SCPEP1: variants seen among roughly 807,000 people sequenced by gnomAD.
SCPEP1 encodes the protein serine carboxypeptidase 1.
Under a neutral mutation model 63.8 loss-of-function variants are expected in SCPEP1, and 51 were observed. The ratio of observed to expected loss-of-function variants is 0.80; its 90% CI spans 0.64 to 1.01. The LOEUF (loss-of-function observed/expected upper bound fraction) is 1.01, where lower values mean the gene tolerates loss of function less well. SCPEP1 is among the 50% of genes least tolerant of loss of function. SCPEP1 has a pLI of 0.00. For synonymous variants in SCPEP1, 204 were observed against 207.8 expected (o/e 0.98, Z 0.16); for missense variants, 499 against 554.9 (o/e 0.90, Z 1.01).
chr17:57,002,274 T>C, intron 12 of SCPEP1, 93 bp downstream of exon 12: 2 of 1,316,754 alleles, frequency 1.5e-6, no homozygotes, highest in Non-Finnish European at 2.1e-6. Flanking sequence ...CAGGTGGGTC[T>C]TGTAGGAAGT....
chr17:56,995,365 G>A, intron 7 of SCPEP1, 142 bp from the exon 8 acceptor site: 1 of 825,150 alleles, frequency 1.2e-6, no homozygotes, highest in Non-Finnish European at 1.9e-6. Flanking sequence ...CAATAAACAT[G>A]TGGCTTGTAA....
rs558373288 is a variant in SCPEP1 at position 56,980,518 on chromosome 17, A to T, written c.77-564A>T. 7.9e-5 allele frequency among the ~76,000 whole-genome samples: 12 copies of T among 152,312 alleles called. 1 individual carries two copies. The Middle Eastern group carries it at 0.01, about 130-fold the overall frequency. ...ATCTCTCTTGTTTTTACAGAATTAT[A>T]AAAGTATTTCCTGTAATCCCAGCAC... is the stretch of plus-strand genomic sequence containing the variant. On this transcript the variant is annotated intron_variant, in intron 1 of 12. Coordinates refer to ENST00000262288, the MANE Select transcript of SCPEP1 (RefSeq NM_021626.3).
chr17:56,979,813 T>A (rs981858415), intron 1 of SCPEP1, among the ~76,000 whole-genome samples: 1 of 152,200 alleles, frequency 6.6e-6, no homozygotes, highest in African/African-American at 2.4e-5. Context: ...ATATAACAAG[T>A]TTCTGTTCTC....
chr17:56,990,246 AG>A (rs1461499061), intron 5 of SCPEP1, among the ~76,000 whole-genome samples: 3 of 152,242 alleles, frequency 2.0e-5, no homozygotes. Context: ...AACTGCAGTC[AG>A]TTGGTGAGTG....
At chr17:56,990,225 A>T (rs1911351849) in intron 5 of SCPEP1, among the ~76,000 whole-genome samples, 1 of 152,240 alleles carries the variant, frequency 6.6e-6, no homozygotes, top group South Asian at 2.1e-4. Flanking sequence ...AGAAGGATAC[A>T]TGACACACTT....
intron 11 of SCPEP1, 76 bp from the exon 12 acceptor site, chr17:57,001,942 A>G (rs1405784267): frequency 1.3e-6 from 2 of 1,495,026 alleles, no homozygotes; most frequent in Non-Finnish European, 1.8e-6. Flanking sequence ...GGAAGCACCA[A>G]CTTTTAGGAC....
At chr17:56,999,399 T>C (rs17833633) in intron 10 of SCPEP1, among the ~76,000 whole-genome samples, 75,984 of 151,972 alleles carry the variant, frequency 0.5, 19,386 homozygotes, top group African/African-American at 0.55. Flanking sequence ...TTTAGTCCTA[T>C]AGGGAGGCCT....
At chr17:56,985,549 G>A in intron 3 of SCPEP1, 82 bp downstream of exon 3, 1 of 996,464 alleles carries the variant, frequency 1.0e-6, no homozygotes, top group Non-Finnish European at 1.6e-6. Context: ...GGCCACAAAT[G>A]TAGCAATCCC....
intron 1 of SCPEP1, 118 bp downstream of exon 1, chr17:56,978,353 G>T: frequency 6.1e-6 from 7 of 1,149,466 alleles, no homozygotes; most frequent in South Asian, 2.1e-5. Flanking sequence ...CTTACCTTGT[G>T]TAATTATATT....
chr17:56,994,912 A>G, intron 6 of SCPEP1, 69 bp from the exon 7 acceptor site: 2 of 1,352,914 alleles, frequency 1.5e-6, no homozygotes, highest in Non-Finnish European at 2.1e-6. Flanking sequence ...TAGAGAGAAG[A>G]CAGTAGGTTT....
chr17:57,002,730 G>A (rs1911776387), intron 12 of SCPEP1, among the ~76,000 whole-genome samples: 1 of 151,720 alleles, frequency 6.6e-6, no homozygotes, highest in African/African-American at 2.4e-5. Context: ...AATCAACCGG[G>A]CACGGTGGCG....
Position 56,987,911 on chromosome 17 carries a change from A to G in SCPEP1, c.471+61A>G. 4 of 1,560,040 alleles carry G rather than the reference A, an allele frequency of 2.6e-6. No individual in the cohort carries two copies. The Admixed American group carries it at 7.5e-5, about 29-fold the overall frequency. On this transcript the variant is annotated intron_variant, in intron 4 of 12. Coordinates refer to ENST00000262288, the MANE Select transcript of SCPEP1 (RefSeq NM_021626.3). ...TGGCAATATCAACTCTACATCCATC[A>G]GCATAAACCTGAACTGCCTCCAGAG... is the stretch of plus-strand genomic sequence containing the variant.
intron 8 of SCPEP1, among the ~76,000 whole-genome samples, chr17:56,996,494 C>T (rs1415402110): frequency 4.6e-5 from 7 of 151,542 alleles, no homozygotes; most frequent in African/African-American, 1.5e-4. Context: ...CGTGAGCCAC[C>T]GCGCCTGGCC....
At chr17:56,997,082 T>C (rs1297906528) in intron 9 of SCPEP1, 27 bp downstream of exon 9, 29 of 1,378,148 alleles carry the variant, frequency 2.1e-5, no homozygotes, top group Non-Finnish European at 2.8e-5. Flanking sequence ...GTTATTAAAG[T>C]CCCTGCCTCA....
chr17:56,986,276 G>C (rs1471613570), intron 3 of SCPEP1, among the ~76,000 whole-genome samples: 2 of 151,076 alleles, frequency 1.3e-5, no homozygotes, highest in Non-Finnish European at 2.9e-5. Flanking sequence ...CTAGAGTGCA[G>C]TGGCACGATC....
intron 3 of SCPEP1, 44 bp downstream of exon 3, chr17:56,985,511 C>A: frequency 6.9e-7 from 1 of 1,459,700 alleles, no homozygotes; most frequent in Non-Finnish European, 9.6e-7. Flanking sequence ...CCCGTGGCCT[C>A]TCAGAGGCCC....
At chr17:57,002,842 T>C (rs1911780147) in intron 12 of SCPEP1, among the ~76,000 whole-genome samples, 1 of 138,120 alleles carries the variant, frequency 7.2e-6, no homozygotes, top group African/African-American at 2.8e-5. Flanking sequence ...GCCACTGCAC[T>C]CCAGCCTGGG....
intron 2 of SCPEP1, chr17:56,983,823 T>C (rs1911134133): frequency 6.6e-6 from 1 of 151,824 alleles, no homozygotes; most frequent in Non-Finnish European, 1.5e-5. Context: ...CCTGACTCTA[T>C]CTTGTCTTTT....
At chr17:56,985,081 G>A in intron 2 of SCPEP1, 1 of 382,270 alleles carries the variant, frequency 2.6e-6, no homozygotes, top group South Asian at 2.9e-5. Context: ...CTCCAACCTG[G>A]GTGACAAAGT....
Sources: gnomAD v4.1 joint callset for allele counts (sites outside exome capture counted in the v4.1 genomes callset) on GRCh38, gnomAD v4.1.1 for gene constraint, MANE v1.5 for transcripts, NCBI Gene and HGNC (gene_info 2026-07-23, HGNC 2026-07-21) for gene names.